SLC17A4: variants seen among roughly 807,000 people sequenced by gnomAD.
SLC17A4 encodes the protein probable small intestine urate exporter.
A neutral mutation model predicts 52.5 loss-of-function variants in SLC17A4; 33 were observed. The observed-to-expected ratio is 0.63, with a 90% confidence interval of 0.48 to 0.84. SLC17A4 has a LOEUF of 0.84. Among genes scored for constraint, SLC17A4 ranks in the 40% least tolerant of loss-of-function variants. The pLI, the probability that SLC17A4 is intolerant of heterozygous loss-of-function variation, is 0.00. For synonymous variants in SLC17A4, 225 were observed against 216.2 expected (o/e 1.04, Z -0.36); for missense variants, 585 against 597.1 (o/e 0.98, Z 0.21).
chr6:25,768,442 ATAGAT>A, intron 2 of SLC17A4: 1 of 946,790 alleles, frequency 1.1e-6, no homozygotes, highest in Non-Finnish European at 1.3e-6. Context: ...TTGTGTAAGC[ATAGAT>A]TATAGTATTA....
At chr6:25,773,445 G>A in intron 7 of SLC17A4, 52 bp downstream of exon 7, 1 of 1,612,740 alleles carries the variant, frequency 6.2e-7, no homozygotes, top group South Asian at 1.1e-5. Flanking sequence ...AGACGTCTGA[G>A]AGATGAAGAA....
rs75898754 is a variant in SLC17A4, at chr6:25,768,539, C to T, written c.92-446C>T. 1,615 of 346,322 alleles carry T rather than the reference C, an allele frequency of 4.7e-3. 27 individuals are homozygous for T. Among genetic ancestry groups the T allele is most frequent in the African/African-American group, 0.03 (1,337 of 44,988 alleles). The allele number at this position is 346,322 out of a possible 1,614,324, so 21.5% of individuals were successfully genotyped here. A position where few individuals can be genotyped will look rare whatever the true frequency, so the allele number is the denominator to read the frequency against. On this transcript the variant is annotated intron_variant, in intron 2 of 11. Coordinates refer to ENST00000377905, the MANE Select transcript of SLC17A4 (RefSeq NM_005495.3). ...TCTCCCCAGCCCCAGACAAGCTAAT[C>T]TTCCATGTTTCCTGGTTATAAATGG...
At chr6:25,766,340 T>A (rs1458090704) in intron 2 of SLC17A4, among the ~76,000 whole-genome samples, 2 of 152,072 alleles carry the variant, frequency 1.3e-5, no homozygotes, top group African/African-American at 4.8e-5. Flanking sequence ...TATATGAGAT[T>A]TTTAAGGAGA....
In SLC17A4 at chr6:25,770,221, T is replaced by G. The variant is rs899170866; in HGVS notation, c.452T>G (p.Leu151Arg). Residue 151 changes from leucine to arginine, a missense_variant, in exon 4 of 12, where the codon CTG becomes CGG. Transcript: ENST00000377905. ...VGAGLFISSFLTLFIPLAANA... is the reference protein window; with the variant it reads ...VGAGLFISSFRTLFIPLAANA... The stretch of plus-strand genomic sequence containing the variant: ...GCTGGCTTGTTTATTTCCTCATTCC[T>G]GACCCTCTTCATTCCACTGGCAGCT... 1 of 1,614,014 alleles carries G rather than the reference T, an allele frequency of 6.2e-7. No homozygotes were observed. Among genetic ancestry groups the G allele is most frequent in the African/African-American group, 1.3e-5 (1 of 74,922 alleles).
chr6:25,770,169 A>C lies in SLC17A4; in HGVS notation c.400A>C (p.Ile134Leu). The change falls in exon 4 of 12, where the codon ATA becomes CTA. Residue 134 changes from isoleucine to leucine, a missense_variant. Physicochemically the swap from Ile to Leu is conservative, Grantham distance 5 (BLOSUM62 2). Coordinates refer to ENST00000377905, the MANE Select transcript of SLC17A4 (RefSeq NM_005495.3). ...AATCCCCAGTGGCTATGTGGCTGGAATATTTGGAGCCAAGTATGTGGTTGG... is the reference window on the plus strand; with the variant it reads ...AATCCCCAGTGGCTATGTGGCTGGACTATTTGGAGCCAAGTATGTGGTTGG... ...APIPSGYVAG[I>L]FGAKYVVGAG... The C allele has an allele frequency of 1.2e-6, 2 of 1,614,020 alleles. No individual in the cohort carries two copies. Among genetic ancestry groups the C allele is most frequent in the Non-Finnish European group, 1.7e-6 (2 of 1,179,986 alleles).
intron 2 of SLC17A4, among the ~76,000 whole-genome samples, chr6:25,766,894 G>C (rs937552388): frequency 5.3e-5 from 8 of 152,138 alleles, no homozygotes; most frequent in Non-Finnish European, 1.0e-4. Context: ...GTGTAATGTG[G>C]CTCCCTATAT....
intron 2 of SLC17A4, among the ~76,000 whole-genome samples, chr6:25,767,428 A>G (rs183181822): frequency 6.6e-6 from 1 of 152,064 alleles, no homozygotes; most frequent in Non-Finnish European, 1.5e-5. Flanking sequence ...CTTGAGGTAG[A>G]CTCTGTTATT....
chr6:25,770,883 G>A, intron 5 of SLC17A4, 43 bp from the exon 6 acceptor site: 1 of 1,485,268 alleles, frequency 6.7e-7, no homozygotes, highest in East Asian at 2.3e-5. Flanking sequence ...AGAGCCCCAA[G>A]ACGAGTCCTC....
At chr6:25,760,282 TTA>T (rs1761424791) in intron 1 of SLC17A4, among the ~76,000 whole-genome samples, 1 of 152,202 alleles carries the variant, frequency 6.6e-6, no homozygotes, top group Non-Finnish European at 1.5e-5. Flanking sequence ...TTACTGTATT[TTA>T]TTTTTTTATT....
intron 2 of SLC17A4, among the ~76,000 whole-genome samples, chr6:25,764,116 A>C (rs1006757329): frequency 2.0e-5 from 3 of 152,190 alleles, no homozygotes; most frequent in Non-Finnish European, 4.4e-5. Context: ...CATGTCTAAC[A>C]TGACTGATCC....
intron 1 of SLC17A4, among the ~76,000 whole-genome samples, chr6:25,757,281 TAAG>T (rs1056191248): frequency 1.3e-5 from 2 of 152,152 alleles, no homozygotes; most frequent in African/African-American, 4.8e-5. Flanking sequence ...TTTATATTAA[TAAG>T]AATAGTCCTT....
At chr6:25,778,339 G>T (rs1763111818) in intron 11 of SLC17A4, among the ~76,000 whole-genome samples, 1 of 151,502 alleles carries the variant, frequency 6.6e-6, no homozygotes, top group Non-Finnish European at 1.5e-5. Context: ...CTTTCCTGTG[G>T]TTTTTCACTG....
chr6:25,774,599 G>A (rs1222111485), intron 8 of SLC17A4, among the ~76,000 whole-genome samples: 1 of 152,172 alleles, frequency 6.6e-6, no homozygotes, highest in Non-Finnish European at 1.5e-5. Context: ...TTAATCCAGG[G>A]GATTGGGACA....
Position 25,755,561 on chromosome 6 carries a change from AG to A in SLC17A4, c.-37+781del, listed in dbSNP as rs1760944215. Among the ~76,000 whole-genome samples the A allele has an allele frequency of 4.7e-5, 3 of 64,254 alleles. No homozygotes were observed. The South Asian group carries it at 1.8e-3, about 39-fold the overall frequency. 42.2% of individuals were successfully genotyped at this position (64,254 alleles called of 152,430 possible). Reference sequence around the variant, plus strand: ...GAATCCAAAAAGAACAGACACAAGCAGTCTTGGCAAGAAAAACTGATGAGAA... The same window carrying A: ...GAATCCAAAAAGAACAGACACAAGCATCTTGGCAAGAAAAACTGATGAGAA... On this transcript the variant is annotated intron_variant, in intron 1 of 11. Transcript: ENST00000377905.
At chr6:25,758,444 A>T (rs1253035413) in intron 1 of SLC17A4, among the ~76,000 whole-genome samples, 1 of 152,220 alleles carries the variant, frequency 6.6e-6, no homozygotes, top group Non-Finnish European at 1.5e-5. Flanking sequence ...ACAAAGTTCA[A>T]TGCCTGCATG....
At chr6:25,775,186 G>C (rs1454079564) in intron 8 of SLC17A4, among the ~76,000 whole-genome samples, 1 of 151,880 alleles carries the variant, frequency 6.6e-6, no homozygotes, top group African/African-American at 2.4e-5. Context: ...CAAAAAATTA[G>C]CCAGGTGTTG....
chr6:25,775,347 A>G (rs1261740178), intron 8 of SLC17A4, among the ~76,000 whole-genome samples: 1 of 151,970 alleles, frequency 6.6e-6, no homozygotes, highest in Non-Finnish European at 1.5e-5. Context: ...AAAAATAGAA[A>G]GACTGAAAAA....
At chr6:25,765,888 G>A (rs899811031) in intron 2 of SLC17A4, among the ~76,000 whole-genome samples, 1 of 151,870 alleles carries the variant, frequency 6.6e-6, no homozygotes, top group Non-Finnish European at 1.5e-5. Flanking sequence ...ACAAGAGCTG[G>A]TTCTTTGATA....
Position 25,767,134 on chromosome 6 carries a change from AAACATT to A in SLC17A4, c.92-1850_92-1845del, listed in dbSNP as rs1217509025. Among the ~76,000 whole-genome samples the A allele has an allele frequency of 1.3e-3, 194 of 152,288 alleles. 1 individual carries two copies. Among genetic ancestry groups the A allele is most frequent in the African/African-American group, 4.4e-3 (184 of 41,566 alleles). On this transcript the variant is annotated intron_variant, in intron 2 of 11. Transcript: ENST00000377905. Reference sequence around the variant, plus strand: ...ATTAAGAAAAATGGCTATGTACCTAAAACATTTCAGATCACAGATTGAGATGGAAGC... The same window carrying A: ...ATTAAGAAAAATGGCTATGTACCTAATCAGATCACAGATTGAGATGGAAGC...
Sources: gnomAD v4.1 joint callset for allele counts (sites outside exome capture counted in the v4.1 genomes callset) on GRCh38, gnomAD v4.1.1 for gene constraint, MANE v1.5 for transcripts, NCBI Gene and HGNC (gene_info 2026-07-23, HGNC 2026-07-21) for gene names.